GPC6: variants seen among roughly 807,000 people sequenced by gnomAD.
GPC6 encodes the protein glypican 6.
In GPC6, 14 loss-of-function variants were observed where a neutral mutation model predicts 55.2. The observed-to-expected ratio is 0.25, with a 90% CI of 0.17 to 0.40. The LOEUF is 0.40. GPC6 is among the 10% of genes least tolerant of loss of function. GPC6 has a pLI of 1.00. For synonymous variants in GPC6, 278 were observed against 259.6 expected (o/e 1.07, Z -0.68); for missense variants, 641 against 708.5 (o/e 0.90, Z 1.08).
At chr13:93,511,301 A>G (rs933950327) in intron 1 of GPC6, among the ~76,000 whole-genome samples, 1 of 151,536 alleles carries the variant, frequency 6.6e-6, no homozygotes, top group South Asian at 2.1e-4. Flanking sequence ...TAGGTTTTCT[A>G]CTAGTATTTT....
chr13:93,485,087 G>A (rs1231862070), intron 1 of GPC6, among the ~76,000 whole-genome samples: 4 of 152,188 alleles, frequency 2.6e-5, no homozygotes, highest in Non-Finnish European at 5.9e-5. Context: ...GCCCCCCCTG[G>A]AGATGTTCTA....
chr13:93,792,369 G>C (rs1270027490), intron 2 of GPC6, among the ~76,000 whole-genome samples: 1 of 152,218 alleles, frequency 6.6e-6, no homozygotes, highest in East Asian at 1.9e-4. Context: ...GGAGTGCAGT[G>C]GCGTGATCTC....
At chr13:94,278,081 T>G (rs983835284) in intron 4 of GPC6, among the ~76,000 whole-genome samples, 2 of 152,326 alleles carry the variant, frequency 1.3e-5, no homozygotes, top group African/African-American at 4.8e-5. Flanking sequence ...TGGAATGTTT[T>G]TCCATTTGTT....
intron 1 of GPC6, among the ~76,000 whole-genome samples, chr13:93,478,708 AAAACTT>A (rs1879390619): frequency 6.6e-6 from 1 of 152,166 alleles, no homozygotes; most frequent in South Asian, 2.1e-4. Context: ...TGTTACTAGT[AAAACTT>A]AAGGAAATCA....
At chr13:93,304,379 G>A (rs1027023853) in intron 1 of GPC6, among the ~76,000 whole-genome samples, 2 of 152,176 alleles carry the variant, frequency 1.3e-5, no homozygotes, top group East Asian at 1.9e-4. Context: ...CTGGTAGATG[G>A]CAGTTGCTAG....
intron 4 of GPC6, among the ~76,000 whole-genome samples, chr13:94,215,069 C>T (rs974347006): frequency 8.5e-5 from 13 of 152,216 alleles, no homozygotes; most frequent in African/African-American, 3.1e-4. Context: ...CTTGTCCACA[C>T]GTACACACGC....
At chr13:93,976,591 TCACTTGTCTGGGACAACGTAG>T (rs887430198) in intron 3 of GPC6, among the ~76,000 whole-genome samples, 2 of 151,010 alleles carry the variant, frequency 1.3e-5, no homozygotes, top group Non-Finnish European at 3.0e-5. Context: ...TAATCTGCAG[TCACTTGTCTGGGACAACGTAG>T]CAGACAAGAG....
At position 93,942,003 on chromosome 13, in the gene GPC6, G is replaced by A. The variant is rs185540292; in HGVS notation, c.712-85726G>A. 2.8e-3 allele frequency among the ~76,000 whole-genome samples: 433 copies of A among 152,202 alleles called. 1 individual carries two copies. The highest frequency in any genetic ancestry group is 4.1e-3 in the Non-Finnish European group (277 of 68,020). The stretch of plus-strand genomic sequence containing the variant: ...AGAAATCTCTCACAACACCAGCTGC[G>A]TTGGTCCAGCCTTATGTAGGGAAGG... On this transcript the variant is annotated intron_variant, in intron 3 of 8. Transcript: ENST00000377047.
At chr13:94,172,447 A>C (rs1248772953) in intron 4 of GPC6, among the ~76,000 whole-genome samples, 2 of 152,232 alleles carry the variant, frequency 1.3e-5, no homozygotes, top group African/African-American at 4.8e-5. Context: ...AAAAAATGAT[A>C]ATCACAAAAT....
At chr13:93,308,143 G>T (rs1263674927) in intron 1 of GPC6, among the ~76,000 whole-genome samples, 1 of 151,994 alleles carries the variant, frequency 6.6e-6, no homozygotes, top group Non-Finnish European at 1.5e-5. Flanking sequence ...AAATTAGCCG[G>T]GCCTGGTGGC....
At chr13:93,508,454 G>A (rs2139381050) in intron 1 of GPC6, among the ~76,000 whole-genome samples, 1 of 152,300 alleles carries the variant, frequency 6.6e-6, no homozygotes, top group East Asian at 1.9e-4. Flanking sequence ...GAAAAGGGAA[G>A]ATACTACAAA....
chr13:93,278,739 A>T (rs969508337), intron 1 of GPC6, among the ~76,000 whole-genome samples: 1 of 152,210 alleles, frequency 6.6e-6, no homozygotes, highest in Non-Finnish European at 1.5e-5. Flanking sequence ...TATATTTAGG[A>T]TACAAAGTAG....
At chr13:93,240,290 A>G (rs867083055) in intron 1 of GPC6, among the ~76,000 whole-genome samples, 1 of 152,100 alleles carries the variant, frequency 6.6e-6, no homozygotes, top group Non-Finnish European at 1.5e-5. Flanking sequence ...TTGTTTTACA[A>G]ATCCGGAAGC....
At chr13:93,631,338 G>A (rs545794395) in intron 2 of GPC6, among the ~76,000 whole-genome samples, 11 of 152,228 alleles carry the variant, frequency 7.2e-5, no homozygotes, top group East Asian at 3.9e-4. Context: ...AGTGCAGGTC[G>A]GTTGGAGTTT....
At chr13:93,978,214 C>T (rs1235842054) in intron 3 of GPC6, among the ~76,000 whole-genome samples, 1 of 152,136 alleles carries the variant, frequency 6.6e-6, no homozygotes, top group African/African-American at 2.4e-5. Context: ...GCAGATTCTC[C>T]CCTAAAGCCT....
At chr13:94,252,771 C>T (rs1891395902) in intron 4 of GPC6, among the ~76,000 whole-genome samples, 1 of 151,876 alleles carries the variant, frequency 6.6e-6, no homozygotes, top group Non-Finnish European at 1.5e-5. Context: ...AGTCCAAAAG[C>T]CATAAATGAT....
chr13:93,457,710 C>T (rs543292594), intron 1 of GPC6, among the ~76,000 whole-genome samples: 1 of 148,986 alleles, frequency 6.7e-6, no homozygotes, highest in African/African-American at 2.4e-5. Context: ...AAATGTATCA[C>T]ATTCCTCACT....
intron 2 of GPC6, among the ~76,000 whole-genome samples, chr13:93,773,127 A>G (rs1885355852): frequency 6.6e-6 from 1 of 152,210 alleles, no homozygotes; most frequent in African/African-American, 2.4e-5. Flanking sequence ...GGAGAGAATA[A>G]GAAATGGAGA....
intron 2 of GPC6, among the ~76,000 whole-genome samples, chr13:93,822,609 C>A (rs868245510): frequency 9.2e-5 from 14 of 151,540 alleles, no homozygotes; most frequent in African/African-American, 3.1e-4. Context: ...CCCCCACCCC[C>A]CAACAAGCCC....
Sources: gnomAD v4.1 joint callset for allele counts (sites outside exome capture counted in the v4.1 genomes callset) on GRCh38, gnomAD v4.1.1 for gene constraint, MANE v1.5 for transcripts, NCBI Gene and HGNC (gene_info 2026-07-23, HGNC 2026-07-21) for gene names.